CTNNB1: variants seen among roughly 807,000 people sequenced by gnomAD.
CTNNB1 encodes catenin beta-1.
Under a neutral mutation model 82.5 loss-of-function variants are expected in CTNNB1, and 6 were observed. That is an observed-to-expected ratio of 0.07 (90% CI 0.04 to 0.14). CTNNB1 has a LOEUF of 0.14. Ranked by LOEUF, CTNNB1 falls within the 10% of genes least tolerant of loss-of-function variation. The pLI is 1.00. For synonymous variants in CTNNB1, 312 were observed against 329.7 expected (o/e 0.95, Z 0.58); for missense variants, 529 against 980.4 (o/e 0.54, Z 6.15).
intron 1 of CTNNB1, among the ~76,000 whole-genome samples, chr3:41,200,588 T>C (rs1436417440): frequency 6.6e-6 from 1 of 152,250 alleles, no homozygotes; most frequent in African/African-American, 2.4e-5. Context: ...AATAGTTTGA[T>C]GGCAGCTAAA....
chr3:41,210,235 C>T lies in CTNNB1; in HGVS notation c.-49+10565C>T, dbSNP rs371556958. The stretch of plus-strand genomic sequence containing the variant: ...TTGGGAGGCTGAGGCAGGCGGATCA[C>T]GAGGTCAGGAGATAAGAGACCATCC... On this transcript the variant is annotated intron_variant, in intron 1 of 14. Coordinates refer to ENST00000349496, the MANE Select transcript of CTNNB1 (RefSeq NM_001904.4). 1.3e-3 allele frequency among the ~76,000 whole-genome samples: 201 copies of T among 152,088 alleles called. 6 individuals carry two copies. The South Asian group carries it at 0.039, about 30-fold the overall frequency.
chr3:41,221,093 T>G (rs2078038779), intron 1 of CTNNB1: 1 of 152,212 alleles, frequency 6.6e-6, no homozygotes, highest in Admixed American at 6.5e-5. Flanking sequence ...CATGAGAAGT[T>G]GGCTAGCCCC....
At chr3:41,201,440 C>G (rs1402115165) in intron 1 of CTNNB1, among the ~76,000 whole-genome samples, 1 of 152,130 alleles carries the variant, frequency 6.6e-6, no homozygotes, top group Non-Finnish European at 1.5e-5. Flanking sequence ...ATTACTTTGA[C>G]CTAACCTTTG....
chr3:41,203,572 A>G (rs2125584398), intron 1 of CTNNB1, among the ~76,000 whole-genome samples: 1 of 152,330 alleles, frequency 6.6e-6, no homozygotes, highest in African/African-American at 2.4e-5. Context: ...GTCTAAAATC[A>G]TTCACAGAGT....
At position 41,225,876 on chromosome 3, in the gene CTNNB1, C is replaced by G. The variant is rs563447885; in HGVS notation, c.936+15C>G. ...AAGAAAGCAAGGTAAGAGAATTATT[C>G]TTTATGTGGTTTTCATGGAGCATTG... On this transcript the variant is annotated intron_variant, in intron 6 of 14. Transcript: ENST00000349496. The surrounding 1 kb of genome is among the most constrained non-coding windows in gnomAD (Gnocchi z 5.3). 119 of 1,606,402 alleles carry G rather than the reference C, an allele frequency of 7.4e-5. 1 individual carries two copies. In the South Asian group the frequency reaches 1.3e-3, roughly 17 times the overall value.
At chr3:41,224,452 A>G in intron 2 of CTNNB1, 74 bp from the exon 3 acceptor site, 1 of 1,375,450 alleles carries the variant, frequency 7.3e-7, no homozygotes, top group South Asian at 1.2e-5. Context: ...AATGGGTCAT[A>G]TCACAGATTC....
chr3:41,234,539 A>C (rs1369922460), intron 10 of CTNNB1: 12 of 531,982 alleles, frequency 2.3e-5, no homozygotes, highest in Non-Finnish European at 4.1e-5. Flanking sequence ...AGGTTGGGTT[A>C]GGTGTTTCAT....
At chr3:41,231,591 T>A (rs2078311055) in intron 7 of CTNNB1, among the ~76,000 whole-genome samples, 1 of 152,210 alleles carries the variant, frequency 6.6e-6, no homozygotes, top group African/African-American at 2.4e-5. Context: ...TCTAAACGGT[T>A]CCTCAGGGTT....
intron 7 of CTNNB1, among the ~76,000 whole-genome samples, chr3:41,230,063 G>C (rs1011698991): frequency 5.9e-5 from 9 of 152,308 alleles, no homozygotes; most frequent in African/African-American, 2.2e-4. Context: ...TGGGAATAAA[G>C]TATAGGGCTG....
intron 13 of CTNNB1, 143 bp from the exon 14 acceptor site, chr3:41,237,873 C>T (rs2078476594): frequency 2.8e-6 from 2 of 722,376 alleles, no homozygotes; most frequent in Admixed American, 4.3e-5. Flanking sequence ...TTTTGAAGAA[C>T]TTCCATTTTC....
At chr3:41,222,058 G>A (rs1026617056) in intron 1 of CTNNB1, 7 of 152,046 alleles carry the variant, frequency 4.6e-5, no homozygotes, top group Admixed American at 2.6e-4. Context: ...CAGTTTCTAT[G>A]GAGTCAGTTT....
At chr3:41,224,151 A>C in intron 2 of CTNNB1, 70 bp downstream of exon 2, 1 of 1,553,604 alleles carries the variant, frequency 6.4e-7, no homozygotes, top group Non-Finnish European at 8.9e-7. Context: ...AGTCTGGCTG[A>C]GATCCCCCTG....
Position 41,239,607 on chromosome 3 carries a change from G to A in CTNNB1, c.*265G>A. 1.9e-6 allele frequency: 1 copy of A among 522,958 alleles called. No homozygotes were observed. The allele number at this position is 522,958 out of a possible 1,614,324, so 32.4% of individuals were successfully genotyped here. On this transcript the variant is annotated 3_prime_UTR_variant, in exon 15 of 15. Transcript: ENST00000349496. Reference sequence around the variant, plus strand: ...AGCTTTTGCAACTTAATACTCAAATGAGTAACATTTGCTGTTTTAAACATT... The same window carrying A: ...AGCTTTTGCAACTTAATACTCAAATAAGTAACATTTGCTGTTTTAAACATT...
rs1553628328 is a variant in CTNNB1, at chr3:41,215,402, A to AAAC, written c.-48-8617_-48-8615dup. On this transcript the variant is annotated intron_variant, in intron 1 of 14. Transcript: ENST00000349496. ...CATCTCAAAAAAAAAAAAAAAAAAA[A>AAAC]AACACTCTTAGGTTATAAATAATTG... Among the ~76,000 whole-genome samples, 83 of 148,892 alleles carry AAAC rather than the reference A, an allele frequency of 5.6e-4. 3 individuals are homozygous for AAAC. The highest frequency in any genetic ancestry group is 2.1e-3 in the African/African-American group (81 of 39,444).
In CTNNB1 at chr3:41,225,619, TA is replaced by T. The variant is rs2078158227; in HGVS notation, c.735-40del. ...CTTGAAGCTAAAAAGTAGAAGAGTA[TA>T]CTCACAATATTTCTGATGAGGCTTT... On this transcript the variant is annotated intron_variant, in intron 5 of 14. Transcript: ENST00000349496. The surrounding 1 kb of genome is among the most constrained non-coding windows in gnomAD (Gnocchi z 5.3). 1.2e-6 allele frequency: 2 copies of T among 1,613,586 alleles called. No homozygotes were observed. The highest frequency in any genetic ancestry group is 2.7e-5 in the African/African-American group (2 of 74,926).
rs11564456 is a variant in CTNNB1, at chr3:41,234,513, A to G, written c.1683+216A>G. On this transcript the variant is annotated intron_variant, in intron 10 of 14. Coordinates refer to ENST00000349496, the MANE Select transcript of CTNNB1 (RefSeq NM_001904.4). ...ATATTTCCTTGGACACGTCCTTCACATGGTCAGTCTTACAAAGGTTGGGTT... is the reference window on the plus strand; with the variant it reads ...ATATTTCCTTGGACACGTCCTTCACGTGGTCAGTCTTACAAAGGTTGGGTT... 1,053 of 586,046 alleles carry G rather than the reference A, an allele frequency of 1.8e-3. 13 individuals are homozygous for G. Among genetic ancestry groups the G allele is most frequent in the African/African-American group, 0.017 (919 of 53,840 alleles). 36.3% of individuals were successfully genotyped at this position (586,046 alleles called of 1,614,324 possible). A position where few individuals can be genotyped will look rare whatever the true frequency, so the allele number is the denominator to read the frequency against.
At chr3:41,200,742 G>A (rs1308561517) in intron 1 of CTNNB1, among the ~76,000 whole-genome samples, 1 of 152,162 alleles carries the variant, frequency 6.6e-6, no homozygotes, top group East Asian at 1.9e-4. Flanking sequence ...TCGAAGTTAA[G>A]TTCCTATAGC....
intron 1 of CTNNB1, among the ~76,000 whole-genome samples, chr3:41,203,035 CTTTTT>C (rs34745712): frequency 1.1e-4 from 15 of 136,740 alleles, no homozygotes; most frequent in Non-Finnish European, 1.4e-4. Context: ...GGTTTAGCCA[CTTTTT>C]TTTTTTTTTT....
Position 41,239,610 on chromosome 3 carries a change from T to TAAC in CTNNB1, c.*270_*272dup, listed in dbSNP as rs2078526195. On this transcript the variant is annotated 3_prime_UTR_variant, in exon 15 of 15. Coordinates refer to ENST00000349496, the MANE Select transcript of CTNNB1 (RefSeq NM_001904.4). Reference sequence around the variant, plus strand: ...TTTTGCAACTTAATACTCAAATGAGTAACATTTGCTGTTTTAAACATTAAT... The same window carrying TAAC: ...TTTTGCAACTTAATACTCAAATGAGTAACAACATTTGCTGTTTTAAACATTAAT... 3.5e-5 allele frequency: 18 copies of TAAC among 516,888 alleles called. 1 individual carries two copies. In the South Asian group the frequency reaches 3.5e-4, roughly 10 times the overall value. 32.0% of individuals were successfully genotyped at this position (516,888 alleles called of 1,614,324 possible). A position where few individuals can be genotyped will look rare whatever the true frequency, so the allele number is the denominator to read the frequency against.
Sources: allele counts gnomAD v4.1 joint callset (sites outside exome capture counted in the v4.1 genomes callset), GRCh38; gene constraint gnomAD v4.1.1; non-coding constraint Gnocchi (gnomAD v3.1); transcripts MANE v1.5; gene names NCBI Gene and HGNC (gene_info 2026-07-23, HGNC 2026-07-21).